The following RGS3 variants were observed in gnomAD, a reference collection of about 807,000 sequenced individuals.
RGS3 encodes regulator of G-protein signalling 3.
In RGS3, 80 loss-of-function variants were observed where a neutral mutation model predicts 132.6. That is an observed-to-expected ratio of 0.60 (90% CI 0.50 to 0.73). The LOEUF (loss-of-function observed/expected upper bound fraction) is 0.73. RGS3 is among the 30% of genes least tolerant of loss of function. RGS3 has a pLI of 0.00. For synonymous variants in RGS3, 598 were observed against 620.6 expected, an observed-to-expected ratio of 0.96 and a Z score of 0.54; for missense variants, 1,382 against 1,530.8, an observed-to-expected ratio of 0.90 and a Z score of 1.62.
Position 113,595,243 on chromosome 9 carries a change from C to T in RGS3, c.3244+263C>T, listed in dbSNP as rs1835703068. On this transcript the variant is annotated intron_variant, in intron 23 of 24. Transcript: ENST00000350696. Reference sequence around the variant, plus strand: ...GGACCTGTGTGCTCAGATCCATATTCCCAGAATAAGAATAAACATTTCTAC... The same window carrying T: ...GGACCTGTGTGCTCAGATCCATATTTCCAGAATAAGAATAAACATTTCTAC... The T allele has an allele frequency of 8.6e-6, 5 of 578,762 alleles. No individual in the cohort carries two copies. The East Asian group carries it at 1.4e-4, about 16-fold the overall frequency. The allele number at this position is 578,762 out of a possible 1,614,324, so 35.9% of individuals were successfully genotyped here. A position where few individuals can be genotyped will look rare whatever the true frequency, so the allele number is the denominator to read the frequency against.
chr9:113,594,004 CCCCTTTCACGGCT>C (rs1554789699), intron 21 of RGS3: 1 of 1,612,934 alleles, frequency 6.2e-7, no homozygotes, highest in Non-Finnish European at 8.5e-7. Context: ...CAGACACATG[CCCCTTTCACGGCT>C]CCCTCTCAGG....
chr9:113,544,066 C>T lies in RGS3; in HGVS notation c.2037+7148C>T, dbSNP rs576642568. On this transcript the variant is annotated intron_variant, in intron 19 of 24. Transcript: ENST00000350696. ...AAGCTATGGAAATTGCACTTGAGAG[C>T]TATAATCACGGGAAGCATTGCCGAG... Among the ~76,000 whole-genome samples the T allele has an allele frequency of 9.2e-5, 14 of 152,306 alleles. No individual in the cohort carries two copies. The South Asian group carries it at 2.9e-3, about 32-fold the overall frequency.
At chr9:113,570,213 C>G (rs1312896529) in intron 19 of RGS3, 1 of 152,160 alleles carries the variant, frequency 6.6e-6, no homozygotes, top group East Asian at 1.9e-4. Context: ...GATTCTGTGT[C>G]CTGATAGCAG....
Position 113,460,300 on chromosome 9 carries a change from C to A in RGS3, c.44C>A (p.Ser15Ter). Residue 15 changes from serine (S) to a stop codon, truncating the protein, a stop_gained, in exon 1 of 25, where the codon TCG becomes TAG. Coordinates refer to ENST00000350696, the Ensembl canonical transcript of RGS3. LOFTEE classifies it high-confidence loss of function. ...CTTTGGGAGGTTGAGATGGGCAGAT[C>A]GCAAGGTCAGGAGATCGAGACCATC... The A allele has an allele frequency of 2.0e-6, 1 of 506,366 alleles. No homozygotes were observed. The highest frequency in any genetic ancestry group is 3.1e-6 in the Non-Finnish European group (1 of 323,500). The allele number at this position is 506,366 out of a possible 1,614,324, so 31.4% of individuals were successfully genotyped here. A position where few individuals can be genotyped will look rare whatever the true frequency, so the allele number is the denominator to read the frequency against.
intron 15 of RGS3, among the ~76,000 whole-genome samples, chr9:113,516,271 C>T (rs1354135078): frequency 6.6e-6 from 1 of 152,212 alleles, no homozygotes; most frequent in Admixed American, 6.5e-5. Flanking sequence ...TCAGCAGGGC[C>T]TGGCCTTAGC....
intron 19 of RGS3, among the ~76,000 whole-genome samples, chr9:113,552,044 A>G (rs1263044540): frequency 1.3e-5 from 2 of 152,182 alleles, no homozygotes; most frequent in African/African-American, 2.4e-5. Flanking sequence ...CTTAATGACT[A>G]TAAATCTTGA....
intron 1 of RGS3, among the ~76,000 whole-genome samples, chr9:113,453,026 AAT>A (rs1487712074): frequency 2.3e-5 from 3 of 131,366 alleles, no homozygotes; most frequent in Non-Finnish European, 4.7e-5. Flanking sequence ...TTTTATATAT[AAT>A]ATATAATATA....
intron 19 of RGS3, chr9:113,541,831 C>T (rs1299779217): frequency 6.1e-6 from 6 of 991,270 alleles, no homozygotes; most frequent in African/African-American, 5.2e-5. Flanking sequence ...CATCTCCGCC[C>T]ATCCACTCAT....
chr9:113,445,633 G>A (rs1287864624), intron 1 of RGS3, among the ~76,000 whole-genome samples: 1 of 152,126 alleles, frequency 6.6e-6, no homozygotes, highest in Non-Finnish European at 1.5e-5. Context: ...CTTTGATTTG[G>A]TATTGGTCCC....
upstream of RGS3, among the ~76,000 whole-genome samples, chr9:113,460,031 A>G (rs1829439675): frequency 3.4e-5 from 5 of 149,036 alleles, no homozygotes; most frequent in South Asian, 1.1e-3. Context: ...ACAAGAGAGA[A>G]ACTCTCTCAA....
chr9:113,546,390 G>A (rs1833117753), intron 19 of RGS3, among the ~76,000 whole-genome samples: 1 of 152,166 alleles, frequency 6.6e-6, no homozygotes, highest in South Asian at 2.1e-4. Context: ...CTGGATGACT[G>A]TGAGCTTCTT....
chr9:113,542,958 G>A (rs1002895039), intron 19 of RGS3, among the ~76,000 whole-genome samples: 1 of 152,216 alleles, frequency 6.6e-6, no homozygotes, highest in Non-Finnish European at 1.5e-5. Context: ...GCTGAAGGAA[G>A]ACCAACCAAG....
intron 3 of RGS3, among the ~76,000 whole-genome samples, chr9:113,476,575 C>A (rs1830000534): frequency 6.6e-6 from 1 of 152,174 alleles, no homozygotes. Context: ...TCCTGAGAAG[C>A]CCCTGGCTGG....
At chr9:113,448,149 T>C (rs1829155488) in intron 1 of RGS3, among the ~76,000 whole-genome samples, 1 of 152,138 alleles carries the variant, frequency 6.6e-6, no homozygotes, top group African/African-American at 2.4e-5. Context: ...TGAGCCACCA[T>C]GCCAAGCCTA....
intron 19 of RGS3, among the ~76,000 whole-genome samples, chr9:113,553,111 A>T (rs915121077): frequency 4.6e-5 from 7 of 152,052 alleles, no homozygotes; most frequent in African/African-American, 1.4e-4. Flanking sequence ...GTTTTACTAA[A>T]TAATATCATA....
At chr9:113,459,848 G>A (rs1829435221), upstream of RGS3, among the ~76,000 whole-genome samples, 1 of 152,070 alleles carries the variant, frequency 6.6e-6, no homozygotes, top group African/African-American at 2.4e-5. Context: ...AGACCAGCCT[G>A]GCTAACATGG....
chr9:113,497,935 C>T, intron 9 of RGS3, 90 bp from the exon 8 acceptor site: 1 of 1,363,216 alleles, frequency 7.3e-7, no homozygotes, highest in South Asian at 1.2e-5. Flanking sequence ...CCCCATGGGC[C>T]TGTTTCCCAG....
At chr9:113,518,939 A>G (rs1831805866) in intron 16 of RGS3, among the ~76,000 whole-genome samples, 1 of 152,192 alleles carries the variant, frequency 6.6e-6, no homozygotes, top group Non-Finnish European at 1.5e-5. Context: ...TCACAGACTC[A>G]TAAGAAGCCA....
intron 7 of RGS3, among the ~76,000 whole-genome samples, chr9:113,490,121 C>T (rs974639845): frequency 1.3e-5 from 2 of 152,196 alleles, no homozygotes; most frequent in East Asian, 1.9e-4. Context: ...CCCTTCCCTG[C>T]GCTGAGCCTC....
Sources: gnomAD v4.1 joint callset for allele counts (sites outside exome capture counted in the v4.1 genomes callset) on GRCh38, gnomAD v4.1.1 for gene constraint, MANE v1.5 for transcripts, NCBI Gene and HGNC (gene_info 2026-07-23, HGNC 2026-07-21) for gene names.